Variants in ZMAT5 observed in about 807,000 individuals in gnomAD.
The protein encoded by ZMAT5 is zinc finger matrin-type protein 5.
Under a neutral mutation model 28.0 loss-of-function variants are expected in ZMAT5, and 23 were observed. The ratio of observed to expected loss-of-function variants is 0.82; its 90% CI spans 0.59 to 1.16. The LOEUF is 1.16. Ranked by LOEUF, ZMAT5 falls within the 50% of genes most tolerant of loss-of-function variation. The probability of loss-of-function intolerance (pLI) is 0.00; values close to 1 mark genes in which losing one functional copy is unlikely to be tolerated. For missense variants in ZMAT5, 173 were observed against 212.7 expected (o/e 0.81, Z 1.16); for synonymous variants, 76 against 84.1 (o/e 0.90, Z 0.52).
chr22:29,760,188 G>A (rs1174087648), intron 1 of ZMAT5, among the ~76,000 whole-genome samples: 1 of 150,928 alleles, frequency 6.6e-6, no homozygotes, highest in Non-Finnish European at 1.5e-5. Flanking sequence ...GCAACAGAGC[G>A]AGATTCCGTC....
intron 1 of ZMAT5, among the ~76,000 whole-genome samples, chr22:29,755,359 G>C (rs2068090634): frequency 2.7e-5 from 1 of 37,344 alleles, no homozygotes; most frequent in African/African-American, 1.6e-4. Context: ...GGGAGGGAGG[G>C]AGGGAGGGGG....
Position 29,731,359 on chromosome 22 carries a change from A to AGG in ZMAT5, c.384-6_384-5insCC. 6.5e-7 allele frequency: 1 copy of AGG among 1,531,626 alleles called. No individual in the cohort carries two copies. 94.9% of individuals were successfully genotyped at this position (1,531,626 alleles called of 1,614,324 possible). On this transcript the variant is annotated splice_polypyrimidine_tract_variant and splice_region_variant and intron_variant, in intron 5 of 5. Transcript: ENST00000344318. The stretch of plus-strand genomic sequence containing the variant: ...GTGGTTCTGATGGGTTCAGCCCTAG[A>AGG]GAGAGAGAGAGAAGCGGGGAGAATA...
chr22:29,734,642 C>CT (rs149868685), intron 5 of ZMAT5, among the ~76,000 whole-genome samples: 3,541 of 152,320 alleles, frequency 0.023, 63 homozygotes, highest in South Asian at 0.074. Flanking sequence ...AAGTCTGACT[C>CT]TGCCAGGCAG....
chr22:29,744,897 G>T (rs995141408), intron 2 of ZMAT5, among the ~76,000 whole-genome samples: 3 of 152,238 alleles, frequency 2.0e-5, no homozygotes, highest in Admixed American at 2.0e-4. Context: ...GGAAGCCCAT[G>T]CTCTTGCAGT....
At chr22:29,748,055 C>A (rs1238364736) in intron 2 of ZMAT5, 2 of 354,478 alleles carry the variant, frequency 5.6e-6, no homozygotes, top group East Asian at 1.4e-4. Flanking sequence ...TGGCCTGCTC[C>A]GCCCAGCCAC....
At chr22:29,748,361 TAAGA>T (rs1378604299) in intron 2 of ZMAT5, 53 bp downstream of exon 2, 1 of 1,612,396 alleles carries the variant, frequency 6.2e-7, no homozygotes, top group Non-Finnish European at 8.5e-7. Context: ...TCTTTGATGA[TAAGA>T]AAGATCAGAG....
intron 1 of ZMAT5, chr22:29,758,720 TTA>T (rs2068127298): frequency 6.6e-6 from 1 of 152,216 alleles, no homozygotes; most frequent in South Asian, 2.1e-4. Context: ...GTTTTAAAAT[TTA>T]CACACACACA....
At chr22:29,755,894 G>C (rs760712193) in intron 1 of ZMAT5, among the ~76,000 whole-genome samples, 3 of 152,206 alleles carry the variant, frequency 2.0e-5, no homozygotes, top group Non-Finnish European at 2.9e-5. Flanking sequence ...ACCAGAGCTG[G>C]CACGCACACT....
chr22:29,733,806 C>T (rs1276340045), intron 5 of ZMAT5, among the ~76,000 whole-genome samples: 1 of 152,208 alleles, frequency 6.6e-6, no homozygotes, highest in Non-Finnish European at 1.5e-5. Context: ...AAGTCTCAGC[C>T]CCGTGCCCCT....
intron 2 of ZMAT5, among the ~76,000 whole-genome samples, chr22:29,743,078 G>A (rs778681042): frequency 6.6e-6 from 1 of 152,182 alleles, no homozygotes; most frequent in Non-Finnish European, 1.5e-5. Context: ...ACAGGTGTGA[G>A]CCACTGGGCC....
intron 5 of ZMAT5, among the ~76,000 whole-genome samples, chr22:29,736,869 A>G (rs2067910183): frequency 6.6e-6 from 1 of 151,382 alleles, no homozygotes; most frequent in African/African-American, 2.4e-5. Flanking sequence ...CTAAAAACAC[A>G]CAAAAAAATT....
chr22:29,733,295 G>A (rs370276181), intron 5 of ZMAT5, among the ~76,000 whole-genome samples: 3 of 152,242 alleles, frequency 2.0e-5, no homozygotes, highest in Non-Finnish European at 4.4e-5. Flanking sequence ...AGAGAGAGAA[G>A]GGCTTGGGCC....
chr22:29,758,447 C>T (rs751213112), intron 1 of ZMAT5, among the ~76,000 whole-genome samples: 31 of 152,284 alleles, frequency 2.0e-4, no homozygotes, highest in Non-Finnish European at 3.4e-4. Context: ...AAGACCCTAT[C>T]TCTACAAACA....
chr22:29,761,245 C>T (rs2068154265), intron 1 of ZMAT5, among the ~76,000 whole-genome samples: 1 of 129,700 alleles, frequency 7.7e-6, no homozygotes, highest in African/African-American at 3.0e-5. Flanking sequence ...TGCACTCTAG[C>T]CTGGTGAGAG....
chr22:29,763,230 T>C (rs1243762858), intron 1 of ZMAT5, among the ~76,000 whole-genome samples: 1 of 150,930 alleles, frequency 6.6e-6, no homozygotes, highest in East Asian at 1.9e-4. Context: ...GAGGCAGAGG[T>C]TGCAGTGAGC....
At position 29,741,950 on chromosome 22, in the gene ZMAT5, G is replaced by A. The variant is rs548860336; in HGVS notation, c.190+468C>T. ...ATTACAAGAGTGAGGCACCATGCTC[G>A]GCCCTTTATCTCTCTGACCTATATG... On this transcript the variant is annotated intron_variant, in intron 3 of 5. Coordinates refer to ENST00000344318, the MANE Select transcript of ZMAT5 (RefSeq NM_001003692.2). Among the ~76,000 whole-genome samples, 8 of 152,224 alleles carry A rather than the reference G, an allele frequency of 5.3e-5. No individual in the cohort carries two copies. The South Asian group carries it at 1.0e-3, about 20-fold the overall frequency.
At chr22:29,748,189 C>T (rs570936422) in intron 2 of ZMAT5, 3 of 593,802 alleles carry the variant, frequency 5.1e-6, no homozygotes, top group Admixed American at 2.9e-5. Context: ...TCAAACATCA[C>T]CTCCTTCTAG....
At chr22:29,758,461 TG>T (rs1181151708) in intron 1 of ZMAT5, among the ~76,000 whole-genome samples, 4 of 152,054 alleles carry the variant, frequency 2.6e-5, no homozygotes, top group Non-Finnish European at 5.9e-5. Flanking sequence ...ACAAACAGTT[TG>T]TTTTTTTTAA....
chr22:29,741,628 T>G (rs909453085), intron 3 of ZMAT5, among the ~76,000 whole-genome samples: 2 of 152,180 alleles, frequency 1.3e-5, no homozygotes, highest in African/African-American at 4.8e-5. Flanking sequence ...GTTCCTTCAC[T>G]TACTGAGGTT....
Sources: gnomAD v4.1 joint callset for allele counts (sites outside exome capture counted in the v4.1 genomes callset) on GRCh38, gnomAD v4.1.1 for gene constraint, MANE v1.5 for transcripts, NCBI Gene and HGNC (gene_info 2026-07-23, HGNC 2026-07-21) for gene names.